The following ROBO4 variants were observed in gnomAD, a reference collection of about 807,000 sequenced individuals.
ROBO4 encodes the protein roundabout guidance receptor 4.
ROBO4 carries 80 observed loss-of-function variants against 103.3 expected under a neutral mutation model. The ratio of observed to expected loss-of-function variants is 0.77; its 90% CI spans 0.65 to 0.93. The LOEUF is 0.93. ROBO4 is among the 40% of genes least tolerant of loss of function. ROBO4 has a pLI of 0.00. For missense variants in ROBO4, 1,333 were observed against 1,305.3 expected (o/e 1.02, Z -0.33); for synonymous variants, 504 against 529.7 (o/e 0.95, Z 0.67).
rs1345288232 is a variant in ROBO4 at position 124,895,579 on chromosome 11, C to A, written c.914G>T (p.Trp305Leu). 3.7e-6 allele frequency: 6 copies of A among 1,613,332 alleles called. No individual in the cohort carries two copies. The Admixed American group carries it at 1.0e-4, about 27-fold the overall frequency. Residue 305 changes from tryptophan to leucine, a missense_variant, in exon 6 of 18, where the codon TGG becomes TTG. Physicochemically the swap from Trp to Leu is moderately conservative, Grantham distance 61. Transcript: ENST00000306534. The part of the protein sequence containing the change: ...APWAEELLAG[W>L]QSAELGGLHW... ...GAGGCCTCCAAGCTCTGCGCTCTGC[C>A]AGCCGGCCAGCAGCTCCTCTGCCCA... is the stretch of plus-strand genomic sequence containing the variant.
chr11:124,897,241 G>A lies in ROBO4; in HGVS notation c.91C>T (p.Pro31Ser). 1 of 1,454,520 alleles carries A rather than the reference G, an allele frequency of 6.9e-7. No homozygotes were observed. Among genetic ancestry groups the A allele is most frequent in the Non-Finnish European group, 9.1e-7 (1 of 1,103,804 alleles). The allele number at this position is 1,454,520 out of a possible 1,614,324, so 90.1% of individuals were successfully genotyped here. A position where few individuals can be genotyped will look rare whatever the true frequency, so the allele number is the denominator to read the frequency against. ...TGGGGGTGGACTAGGATCTGGGGCG[G>A]GGAGTCCTGAGCCATGCCTCCTGGG... is the stretch of plus-strand genomic sequence containing the variant. ...LIMGGMAQDS[P>S]PQILVHPQDQ... Residue 31 changes from proline (P) to serine (S), a missense_variant, in exon 2 of 18, where the codon CCG becomes TCG. Physicochemically the swap from Pro to Ser is moderately conservative, Grantham distance 74. Transcript: ENST00000306534.
intron 12 of ROBO4, among the ~76,000 whole-genome samples, chr11:124,889,811 G>T (rs551333235): frequency 6.6e-6 from 1 of 152,148 alleles, no homozygotes; most frequent in African/African-American, 2.4e-5. Flanking sequence ...AACTCCATGG[G>T]TCTGGAGAAG....
chr11:124,886,937 GC>G, intron 15 of ROBO4, 39 bp downstream of exon 15: 1 of 1,573,722 alleles, frequency 6.4e-7, no homozygotes, highest in African/African-American at 1.4e-5. Flanking sequence ...TGCCCCCACA[GC>G]TTTTCTGTAG....
chr11:124,894,537 C>T, intron 7 of ROBO4, 168 bp from the exon 8 acceptor site: 2 of 621,104 alleles, frequency 3.2e-6, no homozygotes, highest in Non-Finnish European at 2.8e-6. Flanking sequence ...GTGAGAGATA[C>T]CTCTCTCTAG....
At chr11:124,892,153 T>C (rs1033185160) in intron 10 of ROBO4, 1 of 471,762 alleles carries the variant, frequency 2.1e-6, no homozygotes, top group Non-Finnish European at 4.1e-6. Context: ...CTGTTGCACT[T>C]GGGTAAGTAC....
In ROBO4 at chr11:124,884,258, C is replaced by T. The variant is rs1249457104; in HGVS notation, c.*633G>A. 6.6e-6 allele frequency: 1 copy of T among 152,358 alleles called. No individual in the cohort carries two copies. Among genetic ancestry groups the T allele is most frequent in the Non-Finnish European group, 1.5e-5 (1 of 68,158 alleles). 9.4% of individuals were successfully genotyped at this position (152,358 alleles called of 1,614,324 possible). On this transcript the variant is annotated 3_prime_UTR_variant, in exon 18 of 18. Coordinates refer to ENST00000306534, the MANE Select transcript of ROBO4 (RefSeq NM_019055.6). ...TTTATGGTATCAAATTTCTTAAGCT[C>T]ATAGTGACAACAGTACGAGGATGGT...
Position 124,895,444 on chromosome 11 carries a change from A to T in ROBO4, c.1036+13T>A, listed in dbSNP as rs968309736. ...GGGGATATTGTTGGCTTCTGAAGGG[A>T]TCAGGCCCTGACCTTTTTCCGGCAG... is the stretch of plus-strand genomic sequence containing the variant. On this transcript the variant is annotated intron_variant, in intron 6 of 17. Transcript: ENST00000306534. 7 of 1,606,706 alleles carry T rather than the reference A, an allele frequency of 4.4e-6. No individual in the cohort carries two copies. In the East Asian group the frequency reaches 1.6e-4, roughly 36 times the overall value.
At chr11:124,888,059 C>G (rs543375850) in intron 12 of ROBO4, among the ~76,000 whole-genome samples, 2 of 152,378 alleles carry the variant, frequency 1.3e-5, no homozygotes, top group South Asian at 4.1e-4. Context: ...CTGCCCAGCT[C>G]AGCTGTGTGA....
In ROBO4 at chr11:124,893,938, C is replaced by T; in HGVS notation, c.1426G>A (p.Val476Ile). 6.2e-7 allele frequency: 1 copy of T among 1,610,940 alleles called. No homozygotes were observed. Among genetic ancestry groups the T allele is most frequent in the Non-Finnish European group, 8.5e-7 (1 of 1,179,382 alleles). The change falls in exon 9 of 18, where the codon GTT (valine) becomes ATT (isoleucine). Residue 476 changes from valine to isoleucine, a missense_variant. By Grantham distance (29) the Val-to-Ile change is conservative. Transcript: ENST00000306534. ...KRPEVIATCG[V>I]ALWLLLLGTA... ...CCCAGAAGCAGCAGCCAGAGTGCAA[C>T]ACCGCAGGTGGCAATGACCTCAGGC...
At position 124,891,764 on chromosome 11, in the gene ROBO4, C is replaced by G; in HGVS notation, c.1586G>C (p.Trp529Ser). 1 of 1,614,142 alleles carries G rather than the reference C, an allele frequency of 6.2e-7. No homozygotes were observed. The highest frequency in any genetic ancestry group is 8.5e-7 in the Non-Finnish European group (1 of 1,180,022). Residue 529 changes from tryptophan (W) to serine (S), a missense_variant, in exon 11 of 18, where the codon TGG becomes TCG. Trp to Ser is a radical substitution (Grantham distance 177, BLOSUM62 -3). Transcript: ENST00000306534. The stretch of plus-strand genomic sequence containing the variant: ...GTCCCGAGAGCCAGAGGTGGAACGC[C>G]AAGTGTCTGCCAACCACTGGGAGTC... ...HSDSQWLADT[W>S]RSTSGSRDLS...
At chr11:124,894,163 G>A in intron 8 of ROBO4, 38 bp downstream of exon 8, 1 of 1,578,762 alleles carries the variant, frequency 6.3e-7, no homozygotes, top group Non-Finnish European at 8.6e-7. Context: ...CGGGATGCAG[G>A]CTGAAGGGTA....
Position 124,894,244 on chromosome 11 carries a change from A to C in ROBO4, c.1275T>G (p.Gly425=). 6.2e-7 allele frequency: 1 copy of C among 1,613,920 alleles called. No individual in the cohort carries two copies. Among genetic ancestry groups the C allele is most frequent in the Middle Eastern group, 1.7e-4 (1 of 5,928 alleles). ...SYCVQVAAVT[G]AGAGEPSRPV... ...GTCTACTGGGCTCCCCAGCTCCAGC[A>C]CCAGTGACTGCAGCCACTTGCACGC... The change falls in exon 8 of 18, where the codon GGT becomes GGG. Residue 425 remains glycine (G), a synonymous_variant. Transcript: ENST00000306534.
intron 2 of ROBO4, 30 bp downstream of exon 2, chr11:124,896,902 C>A (rs770205314): frequency 3.0e-5 from 48 of 1,598,714 alleles, no homozygotes; most frequent in Non-Finnish European, 4.0e-5. Context: ...CAGGTTTGCC[C>A]CACCCTGAAG....
chr11:124,897,087 A>T lies in ROBO4; in HGVS notation c.245T>A (p.Leu82His). 6.2e-7 allele frequency: 1 copy of T among 1,608,718 alleles called. No individual in the cohort carries two copies. Among genetic ancestry groups the T allele is most frequent in the Non-Finnish European group, 8.5e-7 (1 of 1,176,868 alleles). ...CAGCAGAAGGGTCCCATCAGGCAGGAGGTGGTGTGGGTCTGGGGGCACCAT... is the reference window on the plus strand; with the variant it reads ...CAGCAGAAGGGTCCCATCAGGCAGGTGGTGGTGTGGGTCTGGGGGCACCAT... ...LSMVPPDPHH[L>H]LPDGTLLLLQ... Residue 82 changes from leucine (L) to histidine (H), a missense_variant, in exon 2 of 18, where the codon CTC becomes CAC. Transcript: ENST00000306534.
rs1168991342 is a variant in ROBO4, at chr11:124,886,709, C to G, written c.2549G>C (p.Gly850Ala). 6.8e-6 allele frequency: 11 copies of G among 1,607,274 alleles called. No homozygotes were observed. The highest frequency in any genetic ancestry group is 1.7e-4 in the Middle Eastern group (1 of 6,042). Residue 850 changes from glycine to alanine, a missense_variant, in exon 16 of 18, where the codon GGG becomes GCG. Transcript: ENST00000306534. ...TDMGRTGGGV[G>A]PKGGVLLCPP... ...GCACAGCAAGACTCCCCCCTTGGGCCCCACCCCTCCTCCAGTCCTGCCCAT... is the reference window on the plus strand; with the variant it reads ...GCACAGCAAGACTCCCCCCTTGGGCGCCACCCCTCCTCCAGTCCTGCCCAT...
In ROBO4 at chr11:124,896,982, C is replaced by G; in HGVS notation, c.350G>C (p.Ser117Thr). The G allele has an allele frequency of 6.2e-7, 1 of 1,613,996 alleles. No individual in the cohort carries two copies. The highest frequency in any genetic ancestry group is 8.5e-7 in the Non-Finnish European group (1 of 1,180,034). Residue 117 changes from serine to threonine, a missense_variant, in exon 2 of 18, where the codon AGC becomes ACC. Coordinates refer to ENST00000306534, the MANE Select transcript of ROBO4 (RefSeq NM_019055.6). Reference sequence around the variant, plus strand: ...GCTGACTGCCGTGCCAAGCCGGTTGCTGGCCTCACATGTGTAGACACCCAG... The same window carrying G: ...GCTGACTGCCGTGCCAAGCCGGTTGGTGGCCTCACATGTGTAGACACCCAG... Reference protein sequence around the residue: ...TDLGVYTCEASNRLGTAVSRG... With the variant: ...TDLGVYTCEATNRLGTAVSRG...
At position 124,897,391 on chromosome 11, in the gene ROBO4, C is replaced by T. The variant is rs919059121; in HGVS notation, c.71-130G>A. 7 of 737,236 alleles carry T rather than the reference C, an allele frequency of 9.5e-6. No individual in the cohort carries two copies. The African/African-American group carries it at 1.2e-4, about 13-fold the overall frequency. 45.7% of individuals were successfully genotyped at this position (737,236 alleles called of 1,614,324 possible). ...CTGTAATCTGAACTACTAAAGGTTG[C>T]CTCCCAAAGAACAAGCCAGCTAGGA... On this transcript the variant is annotated intron_variant, in intron 1 of 17. Transcript: ENST00000306534.
rs756579235 is a variant in ROBO4 at position 124,895,186 on chromosome 11, A to C, written c.1044T>G (p.Ser348Arg). Residue 348 changes from serine to arginine, a missense_variant, in exon 7 of 18, where the codon AGT becomes AGG. Physicochemically the swap from Ser to Arg is moderately radical, Grantham distance 110. Coordinates refer to ENST00000306534, the MANE Select transcript of ROBO4 (RefSeq NM_019055.6). ...TTAGAGTCACTTCCTGAGGTGGGGCACTGGGCACTGGAGGGGTGGAAGAGA... is the reference window on the plus strand; with the variant it reads ...TTAGAGTCACTTCCTGAGGTGGGGCCCTGGGCACTGGAGGGGTGGAAGAGA... ...LLLRLPEKVP[S>R]APPQEVTLKP... 2 of 1,613,074 alleles carry C rather than the reference A, an allele frequency of 1.2e-6. No homozygotes were observed. Among genetic ancestry groups the C allele is most frequent in the Non-Finnish European group, 1.7e-6 (2 of 1,179,070 alleles).
chr11:124,885,157 T>C lies in ROBO4; in HGVS notation c.2885A>G (p.Glu962Gly), dbSNP rs1946690745. ...CTGGGTGTGGCTGACCTCCATGTCT[T>C]CCAACCAGTCTGGCCTCCACTCCCA... Reference protein sequence around the residue: ...PLWEWRPDWLEDMEVSHTQRL... With the variant: ...PLWEWRPDWLGDMEVSHTQRL... The change falls in exon 17 of 18, where the codon GAA becomes GGA. Residue 962 changes from glutamate to glycine, a missense_variant. Physicochemically the swap from Glu to Gly is moderately conservative, Grantham distance 98 (BLOSUM62 -2). Coordinates refer to ENST00000306534, the MANE Select transcript of ROBO4 (RefSeq NM_019055.6). The C allele has an allele frequency of 6.2e-7, 1 of 1,613,890 alleles. No individual in the cohort carries two copies. Among genetic ancestry groups the C allele is most frequent in the African/African-American group, 1.3e-5 (1 of 74,922 alleles).
Sources: gnomAD v4.1 joint callset for allele counts (sites outside exome capture counted in the v4.1 genomes callset) on GRCh38, gnomAD v4.1.1 for gene constraint, MANE v1.5 for transcripts, NCBI Gene and HGNC (gene_info 2026-07-23, HGNC 2026-07-21) for gene names.